The following MYH10 variants were observed in gnomAD, a reference collection of about 807,000 sequenced individuals.
MYH10 encodes the protein myosin heavy chain 10, also known as myosin-10.
A neutral mutation model predicts 257.8 loss-of-function variants in MYH10; 55 were observed. That is an observed-to-expected ratio of 0.21 (90% confidence interval 0.17 to 0.27). MYH10 has a LOEUF of 0.27. Among genes scored for constraint, MYH10 ranks in the 10% least tolerant of loss-of-function variants. The pLI is 1.00. For synonymous variants in MYH10, 854 were observed against 921.7 expected (o/e 0.93, Z 1.33); for missense variants, 1,631 against 2,500.6 (o/e 0.65, Z 7.42).
chr17:8,539,647 T>TG (rs2082240138), intron 14 of MYH10, among the ~76,000 whole-genome samples: 1 of 152,100 alleles, frequency 6.6e-6, no homozygotes, highest in Non-Finnish European at 1.5e-5. Flanking sequence ...TGGAAGGCAG[T>TG]GGTGTGACCG....
chr17:8,493,718 A>G lies in MYH10; in HGVS notation c.4209+15T>C. On this transcript the variant is annotated intron_variant, in intron 32 of 42. Coordinates refer to ENST00000360416, the MANE Select transcript of MYH10 (RefSeq NM_001256012.3). The stretch of plus-strand genomic sequence containing the variant: ...CACATCGAGGCCACCGCGGCCTCCT[A>G]AAGAGGACGCACACCTGGGACTGCA... 1 of 1,609,142 alleles carries G rather than the reference A, an allele frequency of 6.2e-7. No homozygotes were observed. Among genetic ancestry groups the G allele is most frequent in the East Asian group, 2.2e-5 (1 of 44,824 alleles).
intron 34 of MYH10, among the ~76,000 whole-genome samples, chr17:8,491,088 A>G (rs745448435): frequency 6.6e-6 from 1 of 152,122 alleles, no homozygotes; most frequent in Non-Finnish European, 1.5e-5. Context: ...TCTCTGCGCC[A>G]AGCACTGTGC....
intron 6 of MYH10, chr17:8,573,869 A>T: frequency 1.0e-6 from 1 of 966,624 alleles, no homozygotes; most frequent in African/African-American, 1.8e-5. Flanking sequence ...CACACCGCTC[A>T]CTAGGATGGC....
intron 3 of MYH10, among the ~76,000 whole-genome samples, chr17:8,595,066 T>C (rs1276084656): frequency 6.6e-6 from 1 of 152,160 alleles, no homozygotes; most frequent in Non-Finnish European, 1.5e-5. Context: ...ATGCATATAA[T>C]GGACTATTAC....
rs371451447 is a variant in MYH10, at chr17:8,481,429, G to A, written c.5176-19C>T. On this transcript the variant is annotated intron_variant, in intron 37 of 42. Transcript: ENST00000360416. ...CAAGTTCCTAAGCAGTGGAGACTGCGTTAAGCTCTGGCTGTGAATAGTTTC... is the reference window on the plus strand; with the variant it reads ...CAAGTTCCTAAGCAGTGGAGACTGCATTAAGCTCTGGCTGTGAATAGTTTC... 8.7e-6 allele frequency: 14 copies of A among 1,608,758 alleles called. No individual in the cohort carries two copies. The highest frequency in any genetic ancestry group is 4.5e-5 in the East Asian group (2 of 44,778).
At position 8,579,773 on chromosome 17, in the gene MYH10, T is replaced by C. The variant is rs145285914; in HGVS notation, c.531-2435A>G. 3.2e-3 allele frequency among the ~76,000 whole-genome samples: 483 copies of C among 152,348 alleles called. 2 individuals are homozygous for C. Among genetic ancestry groups the C allele is most frequent in the Middle Eastern group, 0.014 (4 of 294 alleles). On this transcript the variant is annotated intron_variant, in intron 4 of 42. Transcript: ENST00000360416. ...ATCAATCTGTACTCTCATTTTTATA[T>C]CATCTGTATTATTAAATCCATCTGT...
chr17:8,555,989 C>T (rs2082780037), intron 7 of MYH10, among the ~76,000 whole-genome samples: 1 of 152,162 alleles, frequency 6.6e-6, no homozygotes, highest in African/African-American at 2.4e-5. Flanking sequence ...TGAATAGACA[C>T]TTCATCACAA....
At chr17:8,487,989 C>T (rs1915158446) in intron 35 of MYH10, among the ~76,000 whole-genome samples, 1 of 152,152 alleles carries the variant, frequency 6.6e-6, no homozygotes, top group South Asian at 2.1e-4. Context: ...GCAGGCATTC[C>T]TGTTTCCTAG....
At position 8,569,807 on chromosome 17, in the gene MYH10, T is replaced by C. The variant is rs141858573; in HGVS notation, c.669A>G (p.Glu223=). The change falls in exon 7 of 43, where the codon GAA becomes GAG. Residue 223 remains glutamate (E), a synonymous_variant. Coordinates refer to ENST00000360416, the MANE Select transcript of MYH10 (RefSeq NM_001256012.3). The surrounding 1 kb of genome is among the most constrained non-coding windows in gnomAD (Gnocchi z 4.1). ...TTGCTTGCAAAAGCTGCCGTTCAAG[T>C]TCCCCCTAAAAGACATTACACACAC... is the stretch of plus-strand genomic sequence containing the variant. ...ESPKPVKHQG[E]LERQLLQANP... 27 of 1,610,444 alleles carry C rather than the reference T, an allele frequency of 1.7e-5. No homozygotes were observed. The highest frequency in any genetic ancestry group is 2.2e-5 in the Non-Finnish European group (26 of 1,177,808).
At position 8,569,876 on chromosome 17, in the gene MYH10, G is replaced by C; in HGVS notation, c.664-64C>G. 4 of 1,204,396 alleles carry C rather than the reference G, an allele frequency of 3.3e-6. No homozygotes were observed. The highest frequency in any genetic ancestry group is 4.7e-6 in the Non-Finnish European group (4 of 859,106). The allele number at this position is 1,204,396 out of a possible 1,614,324, so 74.6% of individuals were successfully genotyped here. On this transcript the variant is annotated intron_variant, in intron 6 of 42. Transcript: ENST00000360416. This position sits in a 1 kb window ranked among gnomAD's most constrained non-coding sequence, Gnocchi z 4.1. Reference sequence around the variant, plus strand: ...ACGTTAATCTAATGTCTTTACTCAAGTCATCAGGGGAAAAATTTCTAAAAA... The same window carrying C: ...ACGTTAATCTAATGTCTTTACTCAACTCATCAGGGGAAAAATTTCTAAAAA...
chr17:8,548,576 G>A, intron 10 of MYH10, 68 bp downstream of exon 10: 1 of 1,542,976 alleles, frequency 6.5e-7, no homozygotes, highest in Admixed American at 1.9e-5. Context: ...TTCTAGTTTA[G>A]GTGATTTACC....
At chr17:8,586,219 G>C (rs1379258714) in intron 4 of MYH10, among the ~76,000 whole-genome samples, 2 of 152,182 alleles carry the variant, frequency 1.3e-5, no homozygotes, top group Non-Finnish European at 1.5e-5. Flanking sequence ...TTTTGTCAGG[G>C]AGAGGATATA....
intron 2 of MYH10, among the ~76,000 whole-genome samples, chr17:8,614,599 G>A (rs2085182995): frequency 1.3e-5 from 2 of 152,122 alleles, no homozygotes; most frequent in African/African-American, 4.8e-5. Flanking sequence ...TTACAGGCAT[G>A]AGCCACTGTG....
rs577059106 is a variant in MYH10, at chr17:8,616,202, G to A, written c.345+6700C>T. 2.6e-5 allele frequency among the ~76,000 whole-genome samples: 4 copies of A among 152,166 alleles called. No individual in the cohort carries two copies. In the South Asian group the frequency reaches 8.3e-4, roughly 32 times the overall value. On this transcript the variant is annotated intron_variant, in intron 2 of 42. Coordinates refer to ENST00000360416, the MANE Select transcript of MYH10 (RefSeq NM_001256012.3). ...GGAGGCTGAGGTGGGAGGATCGCCT[G>A]AGCCCAGGAGGTTGAGGCCATAGTA... is the stretch of plus-strand genomic sequence containing the variant.
intron 2 of MYH10, among the ~76,000 whole-genome samples, chr17:8,607,855 C>T (rs1341747383): frequency 6.6e-6 from 1 of 152,132 alleles, no homozygotes; most frequent in African/African-American, 2.4e-5. Context: ...TTATAAATAA[C>T]AGAAAGCTCT....
intron 28 of MYH10, among the ~76,000 whole-genome samples, chr17:8,501,590 G>A (rs772992574): frequency 1.3e-5 from 2 of 152,188 alleles, no homozygotes; most frequent in Non-Finnish European, 2.9e-5. Context: ...TGAAGAAGCC[G>A]CAATTAACTA....
intron 17 of MYH10, among the ~76,000 whole-genome samples, chr17:8,523,537 G>T (rs573088292): frequency 2.6e-5 from 4 of 152,282 alleles, no homozygotes; most frequent in Admixed American, 1.3e-4. Context: ...ATATGTGAAA[G>T]ACCAGGGGCA....
chr17:8,514,444 C>T (rs2081398528), intron 21 of MYH10, among the ~76,000 whole-genome samples: 2 of 152,134 alleles, frequency 1.3e-5, no homozygotes, highest in East Asian at 1.9e-4. Context: ...CGGCCTCCTC[C>T]AGGGCCTGGA....
chr17:8,504,562 T>C lies in MYH10; in HGVS notation c.3599+132A>G, dbSNP rs953704577. 1.3e-5 allele frequency: 10 copies of C among 750,972 alleles called. 1 individual carries two copies. Among genetic ancestry groups the C allele is most frequent in the South Asian group, 1.3e-4 (7 of 55,718 alleles). The allele number at this position is 750,972 out of a possible 1,614,324, so 46.5% of individuals were successfully genotyped here. A position where few individuals can be genotyped will look rare whatever the true frequency, so the allele number is the denominator to read the frequency against. On this transcript the variant is annotated intron_variant, in intron 28 of 42. Transcript: ENST00000360416. This position sits in a 1 kb window ranked among gnomAD's most constrained non-coding sequence, Gnocchi z 5.6. The stretch of plus-strand genomic sequence containing the variant: ...TCTGTTTCTAACCATTACCATTTAA[T>C]CACCGTTCCACCTGCCATCACAAGG...
Sources: gnomAD v4.1 joint callset for allele counts (sites outside exome capture counted in the v4.1 genomes callset) on GRCh38, gnomAD v4.1.1 for gene constraint, Gnocchi (gnomAD v3.1) non-coding constraint, MANE v1.5 for transcripts, NCBI Gene and HGNC (gene_info 2026-07-23, HGNC 2026-07-21) for gene names.